The following PAK6 variants were observed in gnomAD, a reference collection of about 807,000 sequenced individuals.
PAK6 encodes p21 (RAC1) activated kinase 6, also known as serine/threonine-protein kinase PAK 6.
In PAK6, 33 loss-of-function variants were observed where a neutral mutation model predicts 60.8. That is an observed-to-expected ratio of 0.54 (90% CI 0.41 to 0.73). PAK6 has a LOEUF of 0.73. PAK6 is among the 30% of genes least tolerant of loss of function. The pLI is 0.00. For synonymous variants in PAK6, 404 were observed against 378.5 expected (o/e 1.07, Z -0.78); for missense variants, 845 against 904.1 (o/e 0.93, Z 0.84).
At chr15:40,240,493 C>G in intron 1 of PAK6, 106 bp from the exon 2 acceptor site, 1 of 359,604 alleles carries the variant, frequency 2.8e-6, no homozygotes, top group East Asian at 7.8e-5. Context: ...CCCACAGTGG[C>G]AGGACAATAC....
At chr15:40,262,726 G>C (rs1193889164) in intron 3 of PAK6, among the ~76,000 whole-genome samples, 1 of 152,202 alleles carries the variant, frequency 6.6e-6, no homozygotes, top group Non-Finnish European at 1.5e-5. Flanking sequence ...GAGGGCCTGA[G>C]CTTCAAGACA....
At chr15:40,242,746 G>A (rs556117394) in intron 2 of PAK6, among the ~76,000 whole-genome samples, 1 of 152,310 alleles carries the variant, frequency 6.6e-6, no homozygotes, top group East Asian at 1.9e-4. Context: ...CAGCCCTAGG[G>A]GCCAGGAAGG....
chr15:40,267,950 T>C (rs1217751810), intron 5 of PAK6, among the ~76,000 whole-genome samples: 2 of 151,952 alleles, frequency 1.3e-5, no homozygotes, highest in Admixed American at 1.3e-4. Context: ...GAGAAAGGGG[T>C]TGTCAACACT....
chr15:40,275,896 G>A (rs2039442396), intron 10 of PAK6, 31 bp from the exon 11 acceptor site: 5 of 1,582,984 alleles, frequency 3.2e-6, no homozygotes, highest in East Asian at 2.3e-5. Context: ...ACTGCAAATT[G>A]TGGCTTCATC....
intron 5 of PAK6, among the ~76,000 whole-genome samples, chr15:40,268,887 G>A (rs1396858901): frequency 6.6e-6 from 1 of 152,234 alleles, no homozygotes; most frequent in African/African-American, 2.4e-5. Flanking sequence ...ATTGCAGCAT[G>A]GGAGTCAGCA....
chr15:40,275,968 G>T lies in PAK6; in HGVS notation c.1920G>T (p.Val640=), dbSNP rs186069684. The T allele has an allele frequency of 8.7e-5, 140 of 1,613,372 alleles. No homozygotes were observed. The East Asian group carries it at 3.1e-3, about 36-fold the overall frequency. The change falls in exon 11 of 11, where the codon GTG becomes GTT. Residue 640 remains valine, a synonymous_variant. Coordinates refer to ENST00000560346, the Ensembl canonical transcript of PAK6. ...GAGACTTCCTGGAGCGGATGCTGGT[G>T]CGGGACCCCCAAGAGAGAGCCACAG...
intron 5 of PAK6, chr15:40,266,798 G>A (rs944446912): frequency 2.9e-5 from 10 of 344,844 alleles, no homozygotes; most frequent in African/African-American, 1.3e-4. Flanking sequence ...GCAGGAGGCC[G>A]ACTTGTGGCA....
At chr15:40,240,658 C>A (rs1465824455) in exon 2 of PAK6, 5 of 452,416 alleles carry the variant, frequency 1.1e-5, no homozygotes. Flanking sequence ...CGCAGGACCC[C>A]GCTGCCCAGA....
intron 7 of PAK6, 110 bp downstream of exon 7, chr15:40,273,109 C>T: frequency 7.1e-7 from 1 of 1,402,408 alleles, no homozygotes; most frequent in Non-Finnish European, 9.7e-7. Context: ...TGCCTGGGCT[C>T]CCCTGCCTGC....
At chr15:40,258,149 T>C (rs1320127111) in intron 3 of PAK6, among the ~76,000 whole-genome samples, 2 of 152,212 alleles carry the variant, frequency 1.3e-5, no homozygotes, top group East Asian at 3.9e-4. Flanking sequence ...AGGGTCAGCC[T>C]GCAAGTTAGG....
chr15:40,254,535 C>G (rs1162190797), intron 3 of PAK6, among the ~76,000 whole-genome samples: 1 of 152,190 alleles, frequency 6.6e-6, no homozygotes, highest in Non-Finnish European at 1.5e-5. Flanking sequence ...CACACATGTT[C>G]ATGTGTTCAT....
rs116713890 is a variant in PAK6 at position 40,265,672 on chromosome 15, T to C, written c.205-170T>C. 5.9e-3 allele frequency among the ~76,000 whole-genome samples: 905 copies of C among 152,286 alleles called. 11 individuals are homozygous for C. Among genetic ancestry groups the C allele is most frequent in the African/African-American group, 0.021 (854 of 41,558 alleles). Reference sequence around the variant, plus strand: ...CATCCAGCACAGGCGGGACCCACGGTGGGCCCTGATAAATTATGGAAAAAT... The same window carrying C: ...CATCCAGCACAGGCGGGACCCACGGCGGGCCCTGATAAATTATGGAAAAAT... On this transcript the variant is annotated intron_variant, in intron 4 of 10. Transcript: ENST00000560346.
intron 10 of PAK6, among the ~76,000 whole-genome samples, chr15:40,274,954 C>CA (rs988934182): frequency 6.6e-6 from 1 of 152,188 alleles, no homozygotes; most frequent in African/African-American, 2.4e-5. Flanking sequence ...AGCAAAAAAA[C>CA]AAGAGTTCTG....
At chr15:40,240,488 A>G (rs771413174) in intron 1 of PAK6, 111 bp from the exon 2 acceptor site, 7 of 353,618 alleles carry the variant, frequency 2.0e-5, no homozygotes, top group Non-Finnish European at 3.9e-5. Context: ...GTGTGCCCAC[A>G]GTGGCAGGAC....
chr15:40,254,133 G>C (rs1318185013), intron 3 of PAK6, among the ~76,000 whole-genome samples: 1 of 152,180 alleles, frequency 6.6e-6, no homozygotes, highest in African/African-American at 2.4e-5. Context: ...TCCAGACTTT[G>C]CCTTTGACTC....
chr15:40,269,911 G>C (rs1344778922), intron 5 of PAK6, among the ~76,000 whole-genome samples: 1 of 152,226 alleles, frequency 6.6e-6, no homozygotes, highest in Non-Finnish European at 1.5e-5. Flanking sequence ...CCTCAGAGTA[G>C]AGCTGGCCCA....
chr15:40,266,476 G>A (rs1370202458), exon 5 of PAK6: 1 of 1,608,304 alleles, frequency 6.2e-7, no homozygotes, highest in South Asian at 1.1e-5. Context: ...AGCAAGCCAG[G>A]CCCTCCACCA....
At chr15:40,250,584 A>G (rs537097516) in intron 2 of PAK6, 26 of 152,286 alleles carry the variant, frequency 1.7e-4, no homozygotes, top group African/African-American at 6.0e-4. Flanking sequence ...GTTATTCTCT[A>G]TAGGGTGAGG....
intron 5 of PAK6, among the ~76,000 whole-genome samples, chr15:40,270,176 C>T (rs2140988202): frequency 1.3e-5 from 2 of 152,270 alleles, no homozygotes; most frequent in South Asian, 2.1e-4. Flanking sequence ...CCCTGCCCCA[C>T]TTCCCTCCCT....
Sources: gnomAD v4.1 joint callset for allele counts (sites outside exome capture counted in the v4.1 genomes callset) on GRCh38, gnomAD v4.1.1 for gene constraint, MANE v1.5 for transcripts, NCBI Gene and HGNC (gene_info 2026-07-23, HGNC 2026-07-21) for gene names.